The following NUP98 variants were observed in gnomAD, a reference collection of about 807,000 sequenced individuals.
The protein encoded by NUP98 is nucleoporin 98 and 96 precursor.
A neutral mutation model predicts 191.9 loss-of-function variants in NUP98; 26 were observed. That is an observed-to-expected ratio of 0.14 (90% CI 0.10 to 0.19). The LOEUF (loss-of-function observed/expected upper bound fraction) is 0.19. Ranked by LOEUF, NUP98 falls within the 10% of genes least tolerant of loss-of-function variation. NUP98 has a pLI of 1.00. For synonymous variants in NUP98, 808 were observed against 778.4 expected, an observed-to-expected ratio of 1.04 and a Z score of -0.63; for missense variants, 1,941 against 2,178.8, an observed-to-expected ratio of 0.89 and a Z score of 2.17.
intron 25 of NUP98, 89 bp downstream of exon 25, chr11:3,698,993 A>G: frequency 6.8e-7 from 1 of 1,477,212 alleles, no homozygotes; most frequent in South Asian, 1.2e-5. Context: ...CTAGAAGCCA[A>G]AGGGAAATGC....
intron 30 of NUP98, among the ~76,000 whole-genome samples, chr11:3,682,741 A>G (rs1402297287): frequency 2.0e-5 from 3 of 152,234 alleles, no homozygotes; most frequent in Non-Finnish European, 4.4e-5. Context: ...AAGTAAACAT[A>G]TGTTGGAAAA....
At chr11:3,691,634 A>G in intron 27 of NUP98, 145 bp from the exon 28 acceptor site, 1 of 722,822 alleles carries the variant, frequency 1.4e-6, no homozygotes. Context: ...GCTCACTGCA[A>G]CCTCCGCTTC....
At chr11:3,786,325 T>G (rs2133966777) in intron 1 of NUP98, among the ~76,000 whole-genome samples, 1 of 152,200 alleles carries the variant, frequency 6.6e-6, no homozygotes, top group Middle Eastern at 3.4e-3. Flanking sequence ...AATATGGGAG[T>G]TCTAGTCATC....
rs1345351279 is a variant in NUP98 at position 3,675,413 on chromosome 11, G to C, written c.*746C>G. 1 of 225,732 alleles carries C rather than the reference G, an allele frequency of 4.4e-6. No individual in the cohort carries two copies. The highest frequency in any genetic ancestry group is 8.8e-6 in the Non-Finnish European group (1 of 113,732). The allele number at this position is 225,732 out of a possible 1,614,324, so 14.0% of individuals were successfully genotyped here. A position where few individuals can be genotyped will look rare whatever the true frequency, so the allele number is the denominator to read the frequency against. ...CAAACTCTGCAGGCAAATCCAGACA[G>C]AGTCTCAGCAAGACTGAAAACCAGG... is the stretch of plus-strand genomic sequence containing the variant. On this transcript the variant is annotated 3_prime_UTR_variant, in exon 33 of 33. Transcript: ENST00000324932.
At chr11:3,770,468 G>C (rs2081490468) in intron 7 of NUP98, among the ~76,000 whole-genome samples, 1 of 151,664 alleles carries the variant, frequency 6.6e-6, no homozygotes. Context: ...ACGGGAGTAA[G>C]ACCCTAAAAC....
At chr11:3,692,721 C>T (rs2078357926) in intron 27 of NUP98, among the ~76,000 whole-genome samples, 1 of 152,194 alleles carries the variant, frequency 6.6e-6, no homozygotes, top group Admixed American at 6.5e-5. Context: ...TCACTAACCC[C>T]CCATACTTAT....
At chr11:3,794,207 T>G (rs1478804828) in intron 1 of NUP98, among the ~76,000 whole-genome samples, 1 of 152,176 alleles carries the variant, frequency 6.6e-6, no homozygotes, top group Non-Finnish European at 1.5e-5. Flanking sequence ...TGAGAAACCT[T>G]TCTCTAGAGC....
chr11:3,692,494 G>C (rs1456514722), intron 27 of NUP98, among the ~76,000 whole-genome samples: 4 of 151,844 alleles, frequency 2.6e-5, no homozygotes, highest in Non-Finnish European at 4.4e-5. Context: ...AGGCGTAGTG[G>C]CACATGCCTG....
chr11:3,719,096 G>T (rs1036889044), intron 18 of NUP98, among the ~76,000 whole-genome samples: 7 of 150,926 alleles, frequency 4.6e-5, no homozygotes, highest in Admixed American at 4.0e-4. Flanking sequence ...CTCCAGCCTG[G>T]GCAACAAGAG....
In NUP98 at chr11:3,757,653, G is replaced by A. The variant is rs190305971; in HGVS notation, c.1174+2886C>T. Among the ~76,000 whole-genome samples the A allele has an allele frequency of 4.1e-3, 617 of 151,874 alleles. 2 individuals are homozygous for A. The highest frequency in any genetic ancestry group is 0.014 in the African/African-American group (580 of 41,428). ...GTTTCTACTAAAAATACAAAAATTA[G>A]CTGGGCGTGGTGGTGCATGCCTGTA... On this transcript the variant is annotated intron_variant, in intron 10 of 32. Coordinates refer to ENST00000324932, the MANE Select transcript of NUP98 (RefSeq NM_016320.5).
chr11:3,730,360 T>C (rs2079796537), intron 14 of NUP98, among the ~76,000 whole-genome samples: 1 of 152,150 alleles, frequency 6.6e-6, no homozygotes. Flanking sequence ...CAGTTACATT[T>C]TCTTTTTTTT....
At position 3,681,548 on chromosome 11, in the gene NUP98, G is replaced by A. The variant is rs116651755; in HGVS notation, c.4918+1652C>T. 8.9e-3 allele frequency among the ~76,000 whole-genome samples: 1,352 copies of A among 152,202 alleles called. 16 individuals carry two copies. The highest frequency in any genetic ancestry group is 0.031 in the African/African-American group (1,298 of 41,522). ...CATAAAAACATTAACCTCCTTATAC[G>A]TCTTCATCAGAACTCTTGGCTGACT... On this transcript the variant is annotated intron_variant, in intron 30 of 32. Transcript: ENST00000324932.
intron 1 of NUP98, among the ~76,000 whole-genome samples, chr11:3,788,667 T>C (rs1354347824): frequency 6.6e-6 from 1 of 152,136 alleles, no homozygotes; most frequent in Non-Finnish European, 1.5e-5. Flanking sequence ...TGTATAAGGC[T>C]GGGCACGGTG....
At chr11:3,682,086 C>T (rs905650335) in intron 30 of NUP98, among the ~76,000 whole-genome samples, 51 of 152,250 alleles carry the variant, frequency 3.3e-4, no homozygotes, top group African/African-American at 1.2e-3. Context: ...GAAGCAACTT[C>T]TGCTAGCTTC....
At position 3,768,626 on chromosome 11, in the gene NUP98, G is replaced by A; in HGVS notation, c.903C>T (p.Ser301=). ...QATTTQNTGF[S]FGNTSTIGQP... ...GTCCTATGGTGCTGGTATTACCAAA[G>A]GAAAAGCCAGTGTTCTGGGTGGTTG... The change falls in exon 8 of 33, where the codon TCC becomes TCT. Residue 301 remains serine (S), a synonymous_variant. Transcript: ENST00000324932. The A allele has an allele frequency of 1.2e-6, 2 of 1,610,410 alleles. No homozygotes were observed. The highest frequency in any genetic ancestry group is 1.3e-5 in the African/African-American group (1 of 74,784).
chr11:3,760,829 T>C (rs2081140002), intron 9 of NUP98, among the ~76,000 whole-genome samples: 1 of 152,290 alleles, frequency 6.6e-6, no homozygotes, highest in East Asian at 1.9e-4. Context: ...GGAATGCTTC[T>C]GGCCTGAAAA....
chr11:3,735,699 A>G (rs1251801190), intron 12 of NUP98, among the ~76,000 whole-genome samples: 1 of 151,666 alleles, frequency 6.6e-6, no homozygotes, highest in African/African-American at 2.4e-5. Flanking sequence ...TAGAAACATT[A>G]TAGACTGGTT....
chr11:3,690,542 G>T (rs2078280391), intron 28 of NUP98, among the ~76,000 whole-genome samples: 1 of 152,160 alleles, frequency 6.6e-6, no homozygotes, highest in Non-Finnish European at 1.5e-5. Flanking sequence ...TTACAGGCGT[G>T]AGCCACCGCA....
chr11:3,753,331 C>T lies in NUP98; in HGVS notation c.1252G>A (p.Ala418Thr), dbSNP rs747917180. The T allele has an allele frequency of 6.2e-7, 1 of 1,613,930 alleles. No homozygotes were observed. Among genetic ancestry groups the T allele is most frequent in the East Asian group, 2.2e-5 (1 of 44,860 alleles). ...AGTTTCTTACCTGTTCCAAATCCTG[C>T]ACCAAGCCCAGTTCCAAGAGTCCCA... Reference protein sequence around the residue: ...APGTLGTGLGAGFGTALGAGQ... With the variant: ...APGTLGTGLGTGFGTALGAGQ... Residue 418 changes from alanine (A) to threonine (T), a missense_variant, in exon 11 of 33, where the codon GCA (alanine) becomes ACA (threonine). Coordinates refer to ENST00000324932, the MANE Select transcript of NUP98 (RefSeq NM_016320.5).
Sources: gnomAD v4.1 joint callset for allele counts (sites outside exome capture counted in the v4.1 genomes callset) on GRCh38, gnomAD v4.1.1 for gene constraint, MANE v1.5 for transcripts, NCBI Gene and HGNC (gene_info 2026-07-23, HGNC 2026-07-21) for gene names.